The following SPECC1 variants were observed in gnomAD, a reference collection of about 807,000 sequenced individuals.
SPECC1 encodes the protein cytospin-B.
Under a neutral mutation model 104.1 loss-of-function variants are expected in SPECC1, and 62 were observed. That is an observed-to-expected ratio of 0.60 (90% confidence interval 0.49 to 0.74). The LOEUF (loss-of-function observed/expected upper bound fraction) is 0.74, where lower values mean the gene tolerates loss of function less well. SPECC1 is among the 30% of genes least tolerant of loss of function. SPECC1 has a pLI of 0.00. For synonymous variants in SPECC1, 513 were observed against 501.6 expected (o/e 1.02, Z -0.30); for missense variants, 1,306 against 1,310.5 (o/e 1.00, Z 0.05).
At chr17:20,155,482 C>T (rs2032379216) in intron 3 of SPECC1, 1 of 152,198 alleles carries the variant, frequency 6.6e-6, no homozygotes, top group Admixed American at 6.5e-5. Context: ...TAATTTCCGA[C>T]AGCGGCAGAA....
At chr17:20,043,661 T>C (rs1204962537) in intron 1 of SPECC1, among the ~76,000 whole-genome samples, 1 of 152,218 alleles carries the variant, frequency 6.6e-6, no homozygotes, top group Non-Finnish European at 1.5e-5. Flanking sequence ...CTGGGCAACA[T>C]GGGATGTCCC....
At chr17:20,214,383 A>G (rs1021522894) in intron 4 of SPECC1, among the ~76,000 whole-genome samples, 4 of 152,206 alleles carry the variant, frequency 2.6e-5, no homozygotes, top group Non-Finnish European at 4.4e-5. Flanking sequence ...AGGAATTTTA[A>G]GAGTTATGGA....
chr17:20,245,088 T>C (rs1021947691), intron 7 of SPECC1, among the ~76,000 whole-genome samples: 3 of 152,246 alleles, frequency 2.0e-5, no homozygotes, highest in African/African-American at 4.8e-5. Flanking sequence ...ACCATTCTTA[T>C]GCTTAGAAGT....
chr17:20,148,374 G>A (rs1293204397), intron 3 of SPECC1, among the ~76,000 whole-genome samples: 3 of 151,618 alleles, frequency 2.0e-5, no homozygotes, highest in African/African-American at 7.3e-5. Context: ...CGAGTAACTG[G>A]GACTACAGGT....
intron 4 of SPECC1, among the ~76,000 whole-genome samples, chr17:20,217,927 G>T (rs1340627167): frequency 6.6e-6 from 1 of 152,080 alleles, no homozygotes; most frequent in Non-Finnish European, 1.5e-5. Flanking sequence ...GGCTCTGAGG[G>T]AGGCCGAAGT....
intron 3 of SPECC1, among the ~76,000 whole-genome samples, chr17:20,172,651 G>GA (rs1158563111): frequency 6.6e-6 from 1 of 152,188 alleles, no homozygotes; most frequent in Non-Finnish European, 1.5e-5. Context: ...GGAGGGTTGG[G>GA]AGAGACATGG....
chr17:20,115,369 AG>A (rs1391433423), intron 3 of SPECC1, among the ~76,000 whole-genome samples: 2 of 152,126 alleles, frequency 1.3e-5, no homozygotes, highest in Non-Finnish European at 2.9e-5. Context: ...GCTACTCAGG[AG>A]GCTGAGGCAG....
intron 4 of SPECC1, among the ~76,000 whole-genome samples, chr17:20,217,035 A>C (rs1393310834): frequency 6.6e-6 from 1 of 152,162 alleles, no homozygotes; most frequent in Non-Finnish European, 1.5e-5. Context: ...GGAGCTGGCC[A>C]GCAGAGAGAC....
At chr17:20,105,548 A>G (rs2048157284) in intron 2 of SPECC1, among the ~76,000 whole-genome samples, 1 of 152,006 alleles carries the variant, frequency 6.6e-6, no homozygotes, top group Non-Finnish European at 1.5e-5. Context: ...CACCCTTGAA[A>G]ACAAAAACAA....
intron 1 of SPECC1, among the ~76,000 whole-genome samples, chr17:20,040,661 C>T (rs750089882): frequency 6.6e-6 from 1 of 152,178 alleles, no homozygotes; most frequent in African/African-American, 2.4e-5. Context: ...TTCCTTCTGG[C>T]TTCCTTAATT....
At chr17:20,015,080 CT>C (rs1366879167) in intron 1 of SPECC1, among the ~76,000 whole-genome samples, 1 of 152,072 alleles carries the variant, frequency 6.6e-6, no homozygotes, top group East Asian at 1.9e-4. Context: ...GAGTGGATCT[CT>C]TTTGTTCTTC....
chr17:20,165,189 T>C (rs1286417927), intron 3 of SPECC1, among the ~76,000 whole-genome samples: 2 of 151,590 alleles, frequency 1.3e-5, no homozygotes, highest in Non-Finnish European at 2.9e-5. Flanking sequence ...ATCCTGATGC[T>C]GTCCCTCCTA....
At chr17:20,287,365 C>T (rs953740658) in intron 12 of SPECC1, among the ~76,000 whole-genome samples, 5 of 141,658 alleles carry the variant, frequency 3.5e-5, no homozygotes, top group Admixed American at 2.3e-4. Flanking sequence ...TGCAGTGAGC[C>T]GAGATTGCGC....
chr17:20,270,456 A>C (rs1020696314), intron 12 of SPECC1, among the ~76,000 whole-genome samples: 2 of 147,766 alleles, frequency 1.4e-5, no homozygotes, highest in Non-Finnish European at 1.5e-5. Context: ...AAAAAAAAAA[A>C]AAAAAAAAAA....
At chr17:20,097,694 G>C (rs974476659) in intron 2 of SPECC1, among the ~76,000 whole-genome samples, 1 of 152,202 alleles carries the variant, frequency 6.6e-6, no homozygotes, top group Non-Finnish European at 1.5e-5. Flanking sequence ...ACTTAGAGCA[G>C]ACACTCTTGG....
intron 3 of SPECC1, among the ~76,000 whole-genome samples, chr17:20,129,309 C>T (rs775610403): frequency 1.8e-4 from 27 of 152,008 alleles, no homozygotes; most frequent in Non-Finnish European, 3.2e-4. Context: ...CTCAGCCTCC[C>T]GAGTAGCTGG....
At chr17:20,286,709 G>A (rs1463751632) in intron 12 of SPECC1, among the ~76,000 whole-genome samples, 1 of 152,184 alleles carries the variant, frequency 6.6e-6, no homozygotes, top group Non-Finnish European at 1.5e-5. Flanking sequence ...GTACCTTGCT[G>A]CCATGGCTTC....
At chr17:20,263,590 G>A in intron 12 of SPECC1, among the ~76,000 whole-genome samples, 1 of 152,008 alleles carries the variant, frequency 6.6e-6, no homozygotes, top group South Asian at 2.1e-4. Flanking sequence ...AAGTCAGAGG[G>A]AGGCAGCTGC....
At chr17:20,121,395 G>A (rs1254172870) in intron 3 of SPECC1, among the ~76,000 whole-genome samples, 2 of 151,522 alleles carry the variant, frequency 1.3e-5, no homozygotes, top group African/African-American at 4.9e-5. Flanking sequence ...TTCTATAGAC[G>A]GAGTTTTGCT....
Sources: gnomAD v4.1 joint callset for allele counts (sites outside exome capture counted in the v4.1 genomes callset) on GRCh38, gnomAD v4.1.1 for gene constraint, MANE v1.5 for transcripts, NCBI Gene and HGNC (gene_info 2026-07-23, HGNC 2026-07-21) for gene names.